The following REPS1 variants were observed in gnomAD, a reference collection of about 807,000 sequenced individuals.
REPS1 encodes ralBP1-associated Eps domain-containing protein 1.
A neutral mutation model predicts 100.9 loss-of-function variants in REPS1; 39 were observed. The observed-to-expected ratio is 0.39, with a 90% CI of 0.30 to 0.50. The LOEUF (loss-of-function observed/expected upper bound fraction) is 0.50, where lower values mean the gene tolerates loss of function less well. Ranked by LOEUF, REPS1 falls within the 20% of genes least tolerant of loss-of-function variation. The probability of loss-of-function intolerance (pLI) is 0.86; values close to 1 mark genes in which losing one functional copy is unlikely to be tolerated. For synonymous variants in REPS1, 324 were observed against 340.3 expected (o/e 0.95, Z 0.53); for missense variants, 821 against 968.5 (o/e 0.85, Z 2.02).
chr6:138,943,311 C>G (rs941638526), intron 7 of REPS1, among the ~76,000 whole-genome samples: 7 of 152,184 alleles, frequency 4.6e-5, no homozygotes, highest in Non-Finnish European at 1.5e-5. Flanking sequence ...AATTTTAGCT[C>G]TTTACAAAGA....
intron 4 of REPS1, among the ~76,000 whole-genome samples, chr6:138,944,845 T>C (rs923428099): frequency 6.6e-6 from 1 of 152,228 alleles, no homozygotes; most frequent in Non-Finnish European, 1.5e-5. Flanking sequence ...GAAATAATTA[T>C]TCATTTTACC....
At position 138,987,917 on chromosome 6, in the gene REPS1, G is replaced by GCTGCGGCTGCGA. The variant is rs1288079177; in HGVS notation, c.-247_-236dup. 10 of 379,016 alleles carry GCTGCGGCTGCGA rather than the reference G, an allele frequency of 2.6e-5. No homozygotes were observed. The highest frequency in any genetic ancestry group is 7.1e-4 in the Middle Eastern group (1 of 1,412). The allele number at this position is 379,016 out of a possible 1,614,324, so 23.5% of individuals were successfully genotyped here. A position where few individuals can be genotyped will look rare whatever the true frequency, so the allele number is the denominator to read the frequency against. On this transcript the variant is annotated 5_prime_UTR_variant, in exon 1 of 20. Transcript: ENST00000450536. ...CTGCGAGGCCCGGCGCGCGGCTGCG[G>GCTGCGGCTGCGA]CTGCGGCTGCGACTACGGCTCCGGC...
chr6:138,907,312 A>AGTGTGTG, intron 19 of REPS1, 183 bp downstream of exon 19: 2 of 105,682 alleles, frequency 1.9e-5, no homozygotes, highest in Admixed American at 2.0e-4. Flanking sequence ...AAAAAAAAAA[A>AGTGTGTG]AGTGTGTGTG....
At chr6:138,927,938 A>G (rs1781244008) in intron 9 of REPS1, 2 of 152,218 alleles carry the variant, frequency 1.3e-5, no homozygotes, top group African/African-American at 4.8e-5. Context: ...AAGTTTACAG[A>G]AGATTTTTGC....
In REPS1 at chr6:138,911,385, T is replaced by C; in HGVS notation, c.1972-14A>G. On this transcript the variant is annotated splice_polypyrimidine_tract_variant and intron_variant, in intron 16 of 19. Coordinates refer to ENST00000450536, the MANE Select transcript of REPS1 (RefSeq NM_001286611.2). Reference sequence around the variant, plus strand: ...AGCTTTTTCAGCCTAAAAATGAATATGTTTATCACTATTAATTCTACATAA... The same window carrying C: ...AGCTTTTTCAGCCTAAAAATGAATACGTTTATCACTATTAATTCTACATAA... 2 of 1,513,942 alleles carry C rather than the reference T, an allele frequency of 1.3e-6. No homozygotes were observed. The highest frequency in any genetic ancestry group is 9.2e-7 in the Non-Finnish European group (1 of 1,089,402). 93.8% of individuals were successfully genotyped at this position (1,513,942 alleles called of 1,614,324 possible).
chr6:138,944,580 G>A lies in REPS1; in HGVS notation c.671C>T (p.Pro224Leu), dbSNP rs142627661. 3.0e-4 allele frequency: 488 copies of A among 1,613,880 alleles called. No individual in the cohort carries two copies. Among genetic ancestry groups the A allele is most frequent in the Non-Finnish European group, 3.9e-4 (466 of 1,179,886 alleles). Reference protein sequence around the residue: ...GDAVWSGHSPPPPQENWVSFA... With the variant: ...GDAVWSGHSPLPPQENWVSFA... ...ACTGACCCAGTTTTCTTGAGGTGGA[G>A]GTGGGGAATGCCCTGACCACACTGC... Residue 224 changes from proline (P) to leucine (L), a missense_variant, in exon 5 of 20, where the codon CCT (proline) becomes CTT (leucine). By Grantham distance (98) the Pro-to-Leu change is moderately conservative. This residue lies in a region of REPS1 where 757 missense variants were observed against 866.4 expected (regional missense o/e 0.87). Transcript: ENST00000450536.
intron 1 of REPS1, among the ~76,000 whole-genome samples, chr6:138,981,010 C>CA (rs2128512825): frequency 6.6e-6 from 1 of 152,306 alleles, no homozygotes; most frequent in South Asian, 2.1e-4. Flanking sequence ...TTTCACAGGT[C>CA]AGCCTGCTCT....
At chr6:138,905,538 G>T (rs1479784744) in intron 19 of REPS1, among the ~76,000 whole-genome samples, 4 of 151,564 alleles carry the variant, frequency 2.6e-5, no homozygotes, top group Admixed American at 2.6e-4. Context: ...TGATCCACCC[G>T]CCTCGGCCTC....
intron 7 of REPS1, among the ~76,000 whole-genome samples, chr6:138,941,873 T>C (rs1782274881): frequency 6.6e-6 from 1 of 152,218 alleles, no homozygotes; most frequent in African/African-American, 2.4e-5. Flanking sequence ...TGTATGTACT[T>C]TATTTTTTGT....
At chr6:138,971,392 T>A (rs1290685016) in intron 1 of REPS1, among the ~76,000 whole-genome samples, 1 of 152,054 alleles carries the variant, frequency 6.6e-6, no homozygotes, top group Non-Finnish European at 1.5e-5. Context: ...AGCACCCTCA[T>A]CTCTAAATTG....
intron 5 of REPS1, 130 bp from the exon 6 acceptor site, chr6:138,944,145 C>A: frequency 1.3e-6 from 1 of 770,914 alleles, no homozygotes; most frequent in Non-Finnish European, 2.1e-6. Flanking sequence ...AACCACACAT[C>A]TGTTACAGTC....
chr6:138,965,317 T>C (rs1783955491), intron 1 of REPS1, among the ~76,000 whole-genome samples: 2 of 151,872 alleles, frequency 1.3e-5, no homozygotes, highest in Non-Finnish European at 2.9e-5. Context: ...AAAATAATTA[T>C]TTGTATTATC....
At chr6:138,987,160 T>G (rs1387525312) in intron 1 of REPS1, among the ~76,000 whole-genome samples, 7 of 152,224 alleles carry the variant, frequency 4.6e-5, no homozygotes, top group African/African-American at 1.7e-4. Flanking sequence ...ACTGATAACT[T>G]TACTACTCTG....
At chr6:138,985,111 T>A (rs1479551128) in intron 1 of REPS1, among the ~76,000 whole-genome samples, 3 of 152,212 alleles carry the variant, frequency 2.0e-5, no homozygotes, top group Non-Finnish European at 2.9e-5. Context: ...GGCCTCTTTC[T>A]AATTTTATAT....
At position 138,916,193 on chromosome 6, in the gene REPS1, G is replaced by A. The variant is rs1582717552; in HGVS notation, c.1602-217C>T. 1.4e-5 allele frequency: 4 copies of A among 277,676 alleles called. No homozygotes were observed. In the South Asian group the frequency reaches 2.3e-4, roughly 16 times the overall value. 17.2% of individuals were successfully genotyped at this position (277,676 alleles called of 1,614,324 possible). A position where few individuals can be genotyped will look rare whatever the true frequency, so the allele number is the denominator to read the frequency against. On this transcript the variant is annotated intron_variant, in intron 13 of 19. Coordinates refer to ENST00000450536, the MANE Select transcript of REPS1 (RefSeq NM_001286611.2). The stretch of plus-strand genomic sequence containing the variant: ...TGTGGCTAACAATTTTTTTAATAAA[G>A]TTATTAAGCAAAATTTCTTTTTTTC...
chr6:138,926,287 C>T (rs1781117290), intron 10 of REPS1, 114 bp downstream of exon 10: 2 of 689,382 alleles, frequency 2.9e-6, no homozygotes, highest in Non-Finnish European at 4.9e-6. Flanking sequence ...AAGCCTGCCG[C>T]CACTTCCCTC....
At chr6:138,968,624 G>A (rs1784143295) in intron 1 of REPS1, among the ~76,000 whole-genome samples, 1 of 152,078 alleles carries the variant, frequency 6.6e-6, no homozygotes, top group Non-Finnish European at 1.5e-5. Context: ...CTTTAAATGA[G>A]ACACTTTTTT....
At chr6:138,929,895 G>T in intron 9 of REPS1, 82 bp downstream of exon 9, 1 of 1,379,882 alleles carries the variant, frequency 7.2e-7, no homozygotes, top group Non-Finnish European at 1.0e-6. Flanking sequence ...TGCTGGAAGA[G>T]ACAGACTGAA....
chr6:138,926,551 T>C, intron 9 of REPS1, 70 bp from the exon 10 acceptor site: 1 of 1,078,308 alleles, frequency 9.3e-7, no homozygotes, highest in Non-Finnish European at 1.4e-6. Context: ...GGAGAAGATT[T>C]AGCAAAGTAA....
Sources: gnomAD v4.1 joint callset for allele counts (sites outside exome capture counted in the v4.1 genomes callset) on GRCh38, gnomAD v4.1.1 for gene constraint, gnomAD v4.1.1 regional missense constraint, MANE v1.5 for transcripts, NCBI Gene and HGNC (gene_info 2026-07-23, HGNC 2026-07-21) for gene names.